Variants in CPNE4 observed in about 807,000 individuals in gnomAD.
The protein encoded by CPNE4 is copine-4.
In CPNE4, 25 loss-of-function variants were observed where a neutral mutation model predicts 67.9. The observed-to-expected ratio is 0.37, with a 90% CI of 0.27 to 0.51. The LOEUF (loss-of-function observed/expected upper bound fraction) is 0.51, where lower values mean the gene tolerates loss of function less well. CPNE4 is among the 20% of genes least tolerant of loss of function. The pLI, the probability that CPNE4 is intolerant of heterozygous loss-of-function variation, is 0.93. For missense variants in CPNE4, 464 were observed against 690.8 expected (o/e 0.67, Z 3.68); for synonymous variants, 242 against 244.9 (o/e 0.99, Z 0.11).
At chr3:131,680,253 C>A (rs1583011024) in intron 6 of CPNE4, among the ~76,000 whole-genome samples, 1 of 144,094 alleles carries the variant, frequency 6.9e-6, no homozygotes, top group Admixed American at 6.9e-5. Context: ...GCAACCCCTG[C>A]TTTTTTTTTT....
Position 131,646,672 on chromosome 3 carries a change from G to A in CPNE4, c.681+23003C>T, listed in dbSNP as rs143347720. 1.7e-3 allele frequency among the ~76,000 whole-genome samples: 257 copies of A among 152,258 alleles called. 2 individuals carry two copies. The highest frequency in any genetic ancestry group is 5.0e-3 in the African/African-American group (208 of 41,540). ...CTTCAAGATGTGCTTATATTACATT[G>A]CATGCCTGCAACAAAATATCTCATG... On this transcript the variant is annotated intron_variant, in intron 7 of 15. Coordinates refer to ENST00000429747, the MANE Select transcript of CPNE4 (RefSeq NM_130808.3).
intron 10 of CPNE4, among the ~76,000 whole-genome samples, chr3:131,565,474 T>C (rs1937007994): frequency 1.3e-5 from 2 of 152,034 alleles, no homozygotes; most frequent in Admixed American, 1.3e-4. Flanking sequence ...AGGTGCAACA[T>C]TATTTCTGAA....
At chr3:131,963,623 G>T (rs779423021) in intron 1 of CPNE4, among the ~76,000 whole-genome samples, 1 of 152,192 alleles carries the variant, frequency 6.6e-6, no homozygotes, top group Non-Finnish European at 1.5e-5. Flanking sequence ...GCAAGCTGCC[G>T]GGAAGTTCGG....
chr3:131,732,599 C>T (rs539646587), intron 2 of CPNE4, among the ~76,000 whole-genome samples: 7 of 152,302 alleles, frequency 4.6e-5, no homozygotes, highest in East Asian at 1.9e-4. Context: ...ACACTGCCAC[C>T]GCTGTCTGCC....
intron 9 of CPNE4, among the ~76,000 whole-genome samples, chr3:131,579,821 A>G (rs1937674258): frequency 6.6e-6 from 1 of 152,200 alleles, no homozygotes; most frequent in Non-Finnish European, 1.5e-5. Flanking sequence ...ATGGATAAAC[A>G]AAGAAAGTGG....
At chr3:131,747,790 A>G (rs934566969) in intron 2 of CPNE4, among the ~76,000 whole-genome samples, 7 of 152,190 alleles carry the variant, frequency 4.6e-5, no homozygotes, top group Non-Finnish European at 7.4e-5. Context: ...CATTCATTTC[A>G]TATGTAAATA....
chr3:131,933,002 C>G (rs894569256), intron 1 of CPNE4, among the ~76,000 whole-genome samples: 7 of 151,832 alleles, frequency 4.6e-5, no homozygotes, highest in African/African-American at 1.7e-4. Flanking sequence ...GAGCGAGACT[C>G]TATCTCAAAG....
At chr3:131,917,772 G>A (rs1441556308) in intron 1 of CPNE4, among the ~76,000 whole-genome samples, 1 of 152,184 alleles carries the variant, frequency 6.6e-6, no homozygotes, top group African/African-American at 2.4e-5. Flanking sequence ...TGGCTGAATT[G>A]ATCAAGTCAG....
chr3:131,846,428 G>T (rs1325819040), intron 2 of CPNE4, among the ~76,000 whole-genome samples: 1 of 152,090 alleles, frequency 6.6e-6, no homozygotes, highest in Non-Finnish European at 1.5e-5. Flanking sequence ...CACTCACTGT[G>T]CTTTATTGTC....
chr3:131,749,501 T>C (rs2082572241), intron 2 of CPNE4, among the ~76,000 whole-genome samples: 1 of 152,126 alleles, frequency 6.6e-6, no homozygotes, highest in African/African-American at 2.4e-5. Flanking sequence ...TCTATATTCT[T>C]GCTGATTTTC....
intron 1 of CPNE4, among the ~76,000 whole-genome samples, chr3:131,949,555 A>C (rs1176169034): frequency 6.6e-6 from 1 of 152,218 alleles, no homozygotes; most frequent in East Asian, 1.9e-4. Flanking sequence ...TCATTTAGTA[A>C]ACATTTATTC....
intron 3 of CPNE4, among the ~76,000 whole-genome samples, chr3:131,701,737 G>T (rs1479097116): frequency 1.3e-5 from 2 of 152,106 alleles, no homozygotes; most frequent in Non-Finnish European, 2.9e-5. Flanking sequence ...CTTGCATTTG[G>T]CACTAGTAGA....
intron 1 of CPNE4, among the ~76,000 whole-genome samples, chr3:131,916,742 GCA>G (rs2089197026): frequency 6.6e-6 from 1 of 152,188 alleles, no homozygotes; most frequent in Non-Finnish European, 1.5e-5. Flanking sequence ...TGTCTATTAA[GCA>G]CTTGAACTGT....
intron 3 of CPNE4, among the ~76,000 whole-genome samples, chr3:131,701,055 G>A (rs2081287199): frequency 6.9e-6 from 1 of 144,052 alleles, no homozygotes; most frequent in African/African-American, 2.6e-5. Flanking sequence ...GAGAACACTT[G>A]GACACAGGAA....
At chr3:131,728,398 C>T (rs1056667476) in intron 2 of CPNE4, among the ~76,000 whole-genome samples, 8 of 152,152 alleles carry the variant, frequency 5.3e-5, no homozygotes, top group African/African-American at 1.9e-4. Context: ...AGCTCCAGAA[C>T]CTGTGTGTTT....
intron 11 of CPNE4, among the ~76,000 whole-genome samples, chr3:131,561,528 C>T (rs1582799952): frequency 6.6e-6 from 1 of 152,070 alleles, no homozygotes; most frequent in African/African-American, 2.4e-5. Flanking sequence ...TCAAGGCCAT[C>T]CTGAAAAGAG....
At chr3:132,031,614 T>G (rs2074237238) in intron 1 of CPNE4, among the ~76,000 whole-genome samples, 1 of 152,186 alleles carries the variant, frequency 6.6e-6, no homozygotes, top group Non-Finnish European at 1.5e-5. Flanking sequence ...TCATCTTCAA[T>G]AAGTTCATCT....
intron 1 of CPNE4, among the ~76,000 whole-genome samples, chr3:131,944,772 A>C (rs939158649): frequency 6.6e-6 from 1 of 152,070 alleles, no homozygotes; most frequent in Non-Finnish European, 1.5e-5. Context: ...TCAGTGCTGG[A>C]AGTGTATAAT....
At chr3:131,629,059 A>C (rs1239410622) in intron 7 of CPNE4, among the ~76,000 whole-genome samples, 1 of 152,160 alleles carries the variant, frequency 6.6e-6, no homozygotes, top group African/African-American at 2.4e-5. Flanking sequence ...TTCCCTCTAC[A>C]CACTGCTTTA....
Sources: gnomAD v4.1 joint callset for allele counts (sites outside exome capture counted in the v4.1 genomes callset) on GRCh38, gnomAD v4.1.1 for gene constraint, MANE v1.5 for transcripts, NCBI Gene and HGNC (gene_info 2026-07-23, HGNC 2026-07-21) for gene names.